The following ACTN2 variants were observed in gnomAD, a reference collection of about 807,000 sequenced individuals.
The protein encoded by ACTN2 is alpha-actinin-2.
ACTN2 carries 39 observed loss-of-function variants against 113.8 expected under a neutral mutation model. The ratio of observed to expected loss-of-function variants is 0.34; its 90% CI spans 0.27 to 0.45. The LOEUF (loss-of-function observed/expected upper bound fraction) is 0.45. ACTN2 is among the 20% of genes least tolerant of loss of function. The probability of loss-of-function intolerance (pLI) is 1.00; values close to 1 mark genes in which losing one functional copy is unlikely to be tolerated. For synonymous variants in ACTN2, 429 were observed against 444.1 expected (o/e 0.97, Z 0.43); for missense variants, 992 against 1,177.9 (o/e 0.84, Z 2.31).
Position 236,731,321 on chromosome 1 carries a change from T to A in ACTN2, c.697+7T>A. The A allele has an allele frequency of 6.2e-7, 1 of 1,610,868 alleles. No homozygotes were observed. The highest frequency in any genetic ancestry group is 8.5e-7 in the Non-Finnish European group (1 of 1,177,046). On this transcript the variant is annotated splice_region_variant and intron_variant, in intron 7 of 20. Coordinates refer to ENST00000366578, the MANE Select transcript of ACTN2 (RefSeq NM_001103.4). ...AAAATGTTGGATGCTGAAGGTGAGA[T>A]GAAAATTGTGTTTGCTGAGTTACAG...
At chr1:236,688,376 C>CTTTT (rs539065333) in intron 1 of ACTN2, among the ~76,000 whole-genome samples, 1 of 142,702 alleles carries the variant, frequency 7.0e-6, no homozygotes, top group South Asian at 2.2e-4. Context: ...TTTCTGTTGC[C>CTTTT]TTTTTTTTTT....
chr1:236,687,337 CTATT>C (rs1403964719), intron 1 of ACTN2, among the ~76,000 whole-genome samples: 2 of 152,172 alleles, frequency 1.3e-5, no homozygotes, highest in Non-Finnish European at 2.9e-5. Context: ...ATTTCACACT[CTATT>C]TATAATTCAT....
intron 10 of ACTN2, among the ~76,000 whole-genome samples, chr1:236,740,098 C>A (rs963999568): frequency 1.3e-5 from 2 of 152,072 alleles, no homozygotes; most frequent in African/African-American, 2.4e-5. Flanking sequence ...TATTTCCGCT[C>A]CCTCCCCACT....
chr1:236,761,178 G>GCA lies in ACTN2; in HGVS notation c.2526+6_2526+7dup. 1 of 1,614,044 alleles carries GCA rather than the reference G, an allele frequency of 6.2e-7. No individual in the cohort carries two copies. The highest frequency in any genetic ancestry group is 8.5e-7 in the Non-Finnish European group (1 of 1,180,014). On this transcript the variant is annotated splice_donor_region_variant and intron_variant, in intron 20 of 20. Transcript: ENST00000366578. The stretch of plus-strand genomic sequence containing the variant: ...CGGATCCTGGCTTCTGATAAGGTCT[G>GCA]CATTGACAGATTTCCTTCTGCTTTA...
chr1:236,715,547 A>G (rs1658172663), intron 1 of ACTN2, among the ~76,000 whole-genome samples: 3 of 152,138 alleles, frequency 2.0e-5, no homozygotes, highest in East Asian at 1.9e-4. Flanking sequence ...TTGATCACTT[A>G]AAACATGACT....
chr1:236,700,574 G>A (rs533214257), intron 1 of ACTN2, among the ~76,000 whole-genome samples: 121 of 152,252 alleles, frequency 7.9e-4, no homozygotes, highest in African/African-American at 2.7e-3. Context: ...ATCCCTATCA[G>A]GTTTATTGAG....
intron 5 of ACTN2, among the ~76,000 whole-genome samples, chr1:236,727,331 AG>A (rs1018293622): frequency 6.6e-6 from 1 of 152,136 alleles, no homozygotes; most frequent in African/African-American, 2.4e-5. Context: ...CTCAGGGGTA[AG>A]GGCCAGAATG....
In ACTN2 at chr1:236,749,194, A is replaced by G. The variant is rs200143657; in HGVS notation, c.1586A>G (p.Asn529Ser). ...LEFAKRAAPFNNWMEGAMEDL... is the reference protein window; with the variant it reads ...LEFAKRAAPFSNWMEGAMEDL... ...TTTGCCAAGAGGGCTGCTCCTTTCAACAATTGGATGGAGGGCGCTATGGAG... is the reference window on the plus strand; with the variant it reads ...TTTGCCAAGAGGGCTGCTCCTTTCAGCAATTGGATGGAGGGCGCTATGGAG... Residue 529 changes from asparagine (N) to serine (S), a missense_variant, in exon 14 of 21, where the codon AAC (asparagine) becomes AGC (serine). Physicochemically the swap from Asn to Ser is conservative, Grantham distance 46. Around this residue, in one of 3 missense-constraint regions of ACTN2, gnomAD observed 736 missense variants for 815.4 expected, o/e 0.90. Transcript: ENST00000366578. The G allele has an allele frequency of 5.6e-6, 9 of 1,614,072 alleles. No individual in the cohort carries two copies. In the East Asian group the frequency reaches 1.8e-4, roughly 32 times the overall value.
At chr1:236,692,289 C>T (rs1173922995) in intron 1 of ACTN2, among the ~76,000 whole-genome samples, 2 of 152,238 alleles carry the variant, frequency 1.3e-5, no homozygotes, top group African/African-American at 4.8e-5. Flanking sequence ...ATATGATCCT[C>T]CCCATTAGAG....
chr1:236,737,073 G>A, intron 8 of ACTN2, 49 bp from the exon 9 acceptor site: 2 of 1,484,050 alleles, frequency 1.3e-6, no homozygotes, highest in South Asian at 1.1e-5. Context: ...TGCTGTGTGT[G>A]CGCATTCCCG....
intron 5 of ACTN2, 83 bp from the exon 6 acceptor site, chr1:236,727,595 G>A: frequency 4.2e-6 from 6 of 1,441,586 alleles, no homozygotes; most frequent in Non-Finnish European, 5.9e-6. Flanking sequence ...CAGAAGGAAG[G>A]CCAACATCTG....
At chr1:236,704,830 A>T (rs1172532353) in intron 1 of ACTN2, among the ~76,000 whole-genome samples, 1 of 152,134 alleles carries the variant, frequency 6.6e-6, no homozygotes, top group Non-Finnish European at 1.5e-5. Context: ...AAGCTTGGAG[A>T]ACCGTGGGGA....
In ACTN2 at chr1:236,737,052, A is replaced by G; in HGVS notation, c.784-70A>G. The stretch of plus-strand genomic sequence containing the variant: ...CCCTCCTCGTCCCCTCTCATCACCC[A>G]CCTCGTTCCATGCTGTGTGTGCGCA... On this transcript the variant is annotated intron_variant, in intron 8 of 20. Transcript: ENST00000366578. 6.8e-6 allele frequency: 9 copies of G among 1,331,224 alleles called. No individual in the cohort carries two copies. The South Asian group carries it at 1.1e-4, about 16-fold the overall frequency. 82.5% of individuals were successfully genotyped at this position (1,331,224 alleles called of 1,614,324 possible).
At chr1:236,737,453 G>A (rs1299524273) in intron 9 of ACTN2, among the ~76,000 whole-genome samples, 1 of 150,954 alleles carries the variant, frequency 6.6e-6, no homozygotes, top group Admixed American at 6.6e-5. Context: ...AAAGCAGAAA[G>A]GTATAGTTTG....
At position 236,721,015 on chromosome 1, in the gene ACTN2, GTTT is replaced by G. The variant is rs869155855; in HGVS notation, c.448+828_448+830del. On this transcript the variant is annotated intron_variant, in intron 4 of 20. Coordinates refer to ENST00000366578, the MANE Select transcript of ACTN2 (RefSeq NM_001103.4). ...ACAGTAGCCTCTGACTCTGGTTTTT[GTTT>G]TTTGTTTTTTTTTTTTTTTTTTTTT... is the stretch of plus-strand genomic sequence containing the variant. Among the ~76,000 whole-genome samples the G allele has an allele frequency of 8.1e-5, 4 of 49,136 alleles. 1 individual carries two copies. The highest frequency in any genetic ancestry group is 1.4e-4 in the Non-Finnish European group (4 of 29,430). 32.2% of individuals were successfully genotyped at this position (49,136 alleles called of 152,430 possible).
At chr1:236,736,559 T>C in intron 8 of ACTN2, 9 of 1,518,708 alleles carry the variant, frequency 5.9e-6, no homozygotes, top group Non-Finnish European at 7.9e-6. Context: ...CTCATCTAGG[T>C]TAGACAAAGT....
At chr1:236,713,613 C>G (rs1420612433) in intron 1 of ACTN2, among the ~76,000 whole-genome samples, 1 of 152,018 alleles carries the variant, frequency 6.6e-6, no homozygotes, top group Non-Finnish European at 1.5e-5. Flanking sequence ...TATGTATACA[C>G]AGATACCACT....
chr1:236,695,188 G>A (rs1246707787), intron 1 of ACTN2, among the ~76,000 whole-genome samples: 5 of 141,050 alleles, frequency 3.5e-5, no homozygotes, highest in African/African-American at 7.9e-5. Flanking sequence ...CCAACACGGC[G>A]AAACCCAGTC....
chr1:236,753,849 A>AC, intron 15 of ACTN2, 98 bp from the exon 16 acceptor site: 44 of 1,103,176 alleles, frequency 4.0e-5, no homozygotes, highest in South Asian at 1.3e-4. Flanking sequence ...CTCCTTCTCC[A>AC]CTCCCACCCC....
Sources: gnomAD v4.1 joint callset for allele counts (sites outside exome capture counted in the v4.1 genomes callset) on GRCh38, gnomAD v4.1.1 for gene constraint, gnomAD v4.1.1 regional missense constraint, MANE v1.5 for transcripts, NCBI Gene and HGNC (gene_info 2026-07-23, HGNC 2026-07-21) for gene names.